The following EHMT1 variants were observed in gnomAD, a reference collection of about 807,000 sequenced individuals.
EHMT1 encodes histone-lysine N-methyltransferase EHMT1.
EHMT1 carries 15 observed loss-of-function variants against 147.2 expected under a neutral mutation model. The ratio of observed to expected loss-of-function variants is 0.10; its 90% confidence interval spans 0.07 to 0.16. EHMT1 has a LOEUF of 0.16. Ranked by LOEUF, EHMT1 falls within the 10% of genes least tolerant of loss-of-function variation. The pLI is 1.00. For missense variants in EHMT1, 1,587 were observed against 1,772.4 expected (o/e 0.90, Z 1.88); for synonymous variants, 795 against 709.6 (o/e 1.12, Z -1.91).
At position 137,808,118 on chromosome 9, in the gene EHMT1, G is replaced by T. The variant is rs533836862; in HGVS notation, c.2713-3343G>T. On this transcript the variant is annotated intron_variant, in intron 18 of 26. Transcript: ENST00000460843. Reference sequence around the variant, plus strand: ...AGCCACCGAGGCAGGTCCGTCCATTGTCCTCCAGCCCACAGCCTGTAGATG... The same window carrying T: ...AGCCACCGAGGCAGGTCCGTCCATTTTCCTCCAGCCCACAGCCTGTAGATG... Among the ~76,000 whole-genome samples the T allele has an allele frequency of 2.6e-5, 4 of 152,300 alleles. No individual in the cohort carries two copies. The South Asian group carries it at 8.3e-4, about 32-fold the overall frequency.
chr9:137,753,823 G>C (rs994955104), intron 7 of EHMT1, among the ~76,000 whole-genome samples: 1 of 152,182 alleles, frequency 6.6e-6, no homozygotes, highest in Non-Finnish European at 1.5e-5. Flanking sequence ...CCCTTTTCTT[G>C]TGAGCGAGAT....
chr9:137,778,110 C>A lies in EHMT1; in HGVS notation c.2192+55C>A, dbSNP rs989870607. On this transcript the variant is annotated intron_variant, in intron 13 of 26. Transcript: ENST00000460843. ...TCTCAGAGCCTGTTTTAATCTGCACCCCGCGTTTTTCCCCATGGTGTCACT... is the reference window on the plus strand; with the variant it reads ...TCTCAGAGCCTGTTTTAATCTGCACACCGCGTTTTTCCCCATGGTGTCACT... 47 of 1,608,420 alleles carry A rather than the reference C, an allele frequency of 2.9e-5. No individual in the cohort carries two copies. The African/African-American group carries it at 5.7e-4, about 20-fold the overall frequency.
At chr9:137,724,360 C>T (rs1344578195) in intron 3 of EHMT1, among the ~76,000 whole-genome samples, 1 of 152,210 alleles carries the variant, frequency 6.6e-6, no homozygotes, top group Non-Finnish European at 1.5e-5. Context: ...AAGGGCTGCC[C>T]TCCCAGAGCC....
chr9:137,622,360 T>C (rs1214971557), intron 1 of EHMT1, among the ~76,000 whole-genome samples: 1 of 152,056 alleles, frequency 6.6e-6, no homozygotes, highest in Non-Finnish European at 1.5e-5. Flanking sequence ...CCTCAAGTGA[T>C]CTATCTGCCT....
intron 1 of EHMT1, among the ~76,000 whole-genome samples, chr9:137,654,556 A>G (rs116938910): frequency 4.6e-5 from 7 of 151,994 alleles, no homozygotes; most frequent in African/African-American, 1.7e-4. Context: ...GAGTCCTCCA[A>G]GTTTGTTCTT....
At chr9:137,733,201 G>C (rs1231955709) in intron 4 of EHMT1, among the ~76,000 whole-genome samples, 1 of 152,232 alleles carries the variant, frequency 6.6e-6, no homozygotes, top group African/African-American at 2.4e-5. Flanking sequence ...ACAGCCCCAG[G>C]CTGGGGATGG....
At position 137,782,187 on chromosome 9, in the gene EHMT1, G is replaced by GT; in HGVS notation, c.2276-103dup. On this transcript the variant is annotated intron_variant, in intron 14 of 26. Coordinates refer to ENST00000460843, the MANE Select transcript of EHMT1 (RefSeq NM_024757.5). The surrounding 1 kb of genome is among the most constrained non-coding windows in gnomAD (Gnocchi z 5.7). Reference sequence around the variant, plus strand: ...GGCGTGGCTCGAGGTGGCTGTTTATGTGGAGGATGGTCATTTGTGAGTGCT... The same window carrying GT: ...GGCGTGGCTCGAGGTGGCTGTTTATGTTGGAGGATGGTCATTTGTGAGTGCT... 8.9e-7 allele frequency: 1 copy of GT among 1,119,406 alleles called. No individual in the cohort carries two copies. Among genetic ancestry groups the GT allele is most frequent in the African/African-American group, 1.5e-5 (1 of 64,798 alleles). The allele number at this position is 1,119,406 out of a possible 1,614,324, so 69.3% of individuals were successfully genotyped here.
intron 1 of EHMT1, chr9:137,641,453 A>C: frequency 1.9e-6 from 1 of 518,166 alleles, no homozygotes; most frequent in South Asian, 1.5e-5. Flanking sequence ...GTGCCTCTTC[A>C]TCCTCCTCCC....
At chr9:137,650,204 T>TC (rs745950709) in intron 1 of EHMT1, among the ~76,000 whole-genome samples, 62 of 152,130 alleles carry the variant, frequency 4.1e-4, no homozygotes, top group Non-Finnish European at 6.3e-4. Context: ...GCTCAAGTGA[T>TC]CCTCCCGCCT....
At chr9:137,649,458 TCAAACAAACAAA>T (rs113684662) in intron 1 of EHMT1, among the ~76,000 whole-genome samples, 25 of 150,102 alleles carry the variant, frequency 1.7e-4, no homozygotes, top group East Asian at 1.9e-4. Context: ...AGACTCCGAC[TCAAACAAACAAA>T]CAAACAAACA....
At chr9:137,674,699 G>A (rs903984760) in intron 1 of EHMT1, among the ~76,000 whole-genome samples, 1 of 152,194 alleles carries the variant, frequency 6.6e-6, no homozygotes, top group Non-Finnish European at 1.5e-5. Context: ...TAGGTGCCCG[G>A]GTTGCAAAGG....
intron 1 of EHMT1, among the ~76,000 whole-genome samples, chr9:137,660,479 T>G: frequency 6.6e-6 from 1 of 152,198 alleles, no homozygotes; most frequent in Non-Finnish European, 1.5e-5. Context: ...TGTTTCTGTT[T>G]TTTTAGAGAC....
intron 3 of EHMT1, among the ~76,000 whole-genome samples, chr9:137,726,110 G>A (rs976198197): frequency 1.6e-4 from 24 of 151,654 alleles, no homozygotes; most frequent in Non-Finnish European, 2.6e-4. Flanking sequence ...GTGTGTGTGC[G>A]TATGTGCGTG....
At chr9:137,829,771 T>C (rs1956066414) in intron 25 of EHMT1, among the ~76,000 whole-genome samples, 2 of 152,240 alleles carry the variant, frequency 1.3e-5, no homozygotes, top group African/African-American at 4.8e-5. Context: ...TGTTCTCTTA[T>C]CCCGTGTTTG....
chr9:137,643,075 G>T (rs2133837260), intron 1 of EHMT1, among the ~76,000 whole-genome samples: 2 of 152,098 alleles, frequency 1.3e-5, no homozygotes, highest in Middle Eastern at 3.4e-3. Flanking sequence ...TAGAGATGGG[G>T]TCTCACTGTG....
At chr9:137,762,946 T>C in intron 10 of EHMT1, 126 bp downstream of exon 10, 1 of 1,266,072 alleles carries the variant, frequency 7.9e-7, no homozygotes, top group South Asian at 1.2e-5. Flanking sequence ...CTGAGTGGAT[T>C]CTGCGCAGAA....
chr9:137,786,431 A>C lies in EHMT1; in HGVS notation c.2382+4034A>C, dbSNP rs1272394478. On this transcript the variant is annotated intron_variant, in intron 15 of 26. Transcript: ENST00000460843. The surrounding 1 kb of genome is among the most constrained non-coding windows in gnomAD (Gnocchi z 4.3). ...CCTGAATCCAAGGGTGCTGTTTCTCAGGGTTTCAGCATCTGCAGGGGTGTC... is the reference window on the plus strand; with the variant it reads ...CCTGAATCCAAGGGTGCTGTTTCTCCGGGTTTCAGCATCTGCAGGGGTGTC... The C allele has an allele frequency of 6.6e-6, 1 of 152,282 alleles. No individual in the cohort carries two copies. The highest frequency in any genetic ancestry group is 1.5e-5 in the Non-Finnish European group (1 of 68,120). 9.4% of individuals were successfully genotyped at this position (152,282 alleles called of 1,614,324 possible).
At chr9:137,723,935 G>T (rs1429090520) in intron 3 of EHMT1, among the ~76,000 whole-genome samples, 5 of 152,224 alleles carry the variant, frequency 3.3e-5, no homozygotes, top group African/African-American at 9.6e-5. Context: ...AGCGAGGCCT[G>T]CTCACTGGCA....
intron 1 of EHMT1, among the ~76,000 whole-genome samples, chr9:137,678,358 C>T (rs989511046): frequency 3.3e-5 from 5 of 152,154 alleles, no homozygotes; most frequent in African/African-American, 1.2e-4. Context: ...CACCATAACG[C>T]TGCTGAGTAA....
Sources: allele counts gnomAD v4.1 joint callset (sites outside exome capture counted in the v4.1 genomes callset), GRCh38; gene constraint gnomAD v4.1.1; non-coding constraint Gnocchi (gnomAD v3.1); transcripts MANE v1.5; gene names NCBI Gene and HGNC (gene_info 2026-07-23, HGNC 2026-07-21).